Variants in THADA observed in about 807,000 individuals in gnomAD.
THADA encodes THADA armadillo repeat containing.
Under a neutral mutation model 219.8 loss-of-function variants are expected in THADA, and 213 were observed. The observed-to-expected ratio is 0.97, with a 90% CI of 0.87 to 1.09. The LOEUF (loss-of-function observed/expected upper bound fraction) is 1.09. Among genes scored for constraint, THADA ranks in the 50% least tolerant of loss-of-function variants. The probability of loss-of-function intolerance (pLI) is 0.00; values close to 1 mark genes in which losing one functional copy is unlikely to be tolerated. For missense variants in THADA, 2,956 were observed against 2,311.3 expected, an observed-to-expected ratio of 1.28 and a Z score of -5.72; for synonymous variants, 1,018 against 828.9, an observed-to-expected ratio of 1.23 and a Z score of -3.92.
intron 20 of THADA, among the ~76,000 whole-genome samples, chr2:43,545,524 G>C (rs147196397): frequency 0.33 from 50,091 of 151,890 alleles, 8,619 homozygotes; most frequent in African/African-American, 0.41. Context: ...TTGTTGGTAA[G>C]CTATTGATTA....
intron 20 of THADA, among the ~76,000 whole-genome samples, chr2:43,545,475 T>A (rs1376357149): frequency 2.6e-5 from 4 of 152,086 alleles, no homozygotes; most frequent in Non-Finnish European, 5.9e-5. Context: ...GTACCTCTGG[T>A]AGAATTCGGC....
intron 19 of THADA, among the ~76,000 whole-genome samples, chr2:43,549,631 G>A (rs1696516284): frequency 6.6e-6 from 1 of 151,890 alleles, no homozygotes; most frequent in South Asian, 2.1e-4. Flanking sequence ...AGGCCACCAT[G>A]TCATCTACAC....
chr2:43,299,136 G>C (rs902235819), intron 31 of THADA, among the ~76,000 whole-genome samples: 2 of 151,810 alleles, frequency 1.3e-5, no homozygotes, highest in African/African-American at 4.8e-5. Context: ...TCTGTGTTTA[G>C]ACTTGGGTTC....
At chr2:43,551,551 TG>T (rs1696740701) in intron 19 of THADA, among the ~76,000 whole-genome samples, 1 of 151,638 alleles carries the variant, frequency 6.6e-6, no homozygotes, top group South Asian at 2.1e-4. Flanking sequence ...CAAGTTACCC[TG>T]GGGTAGAAGG....
chr2:43,505,555 TGA>T, intron 24 of THADA, 65 bp downstream of exon 24: 2 of 1,240,134 alleles, frequency 1.6e-6, no homozygotes, highest in Non-Finnish European at 2.3e-6. Context: ...ACAGCCGTCT[TGA>T]AAAAAGTGAA....
chr2:43,322,160 A>T (rs546795527), intron 30 of THADA, among the ~76,000 whole-genome samples: 1 of 151,888 alleles, frequency 6.6e-6, no homozygotes, highest in Non-Finnish European at 1.5e-5. Context: ...CAGCCTCCCA[A>T]GTAGCTGGGA....
At position 43,231,032 on chromosome 2, in the gene THADA, CCCTT is replaced by C; in HGVS notation, c.5774_5777del (p.Glu1925GlyfsTer5). 1 of 1,613,936 alleles carries C rather than the reference CCCTT, an allele frequency of 6.2e-7. No individual in the cohort carries two copies. The highest frequency in any genetic ancestry group is 8.5e-7 in the Non-Finnish European group (1 of 1,179,874). ...AAACACTGAGAACTAGGGTGTCTTCCCCTTCCTTTCCTTCCAAAAAGGCCAGCAG... is the reference window on the plus strand; with the variant it reads ...AAACACTGAGAACTAGGGTGTCTTCCCCTTTCCTTCCAAAAAGGCCAGCAG... On this transcript the variant is annotated frameshift_variant, in exon 38 of 38. Coordinates refer to ENST00000405975, the MANE Select transcript of THADA (RefSeq NM_022065.5). LOFTEE classifies it high-confidence loss of function.
chr2:43,534,388 A>G (rs1290300392), intron 21 of THADA, among the ~76,000 whole-genome samples: 1 of 152,156 alleles, frequency 6.6e-6, no homozygotes, highest in Non-Finnish European at 1.5e-5. Flanking sequence ...ATTGCAAACT[A>G]TAGTCATCCT....
chr2:43,550,242 A>G (rs2103873026), intron 19 of THADA, among the ~76,000 whole-genome samples: 1 of 152,330 alleles, frequency 6.6e-6, no homozygotes, highest in East Asian at 1.9e-4. Flanking sequence ...GAAATCAATT[A>G]ACAAATCGAA....
intron 8 of THADA, among the ~76,000 whole-genome samples, chr2:43,580,202 T>G (rs2104084202): frequency 1.3e-5 from 2 of 151,360 alleles, no homozygotes; most frequent in Middle Eastern, 3.4e-3. Context: ...TGTTTTTTTT[T>G]GTATTTTAGT....
intron 28 of THADA, among the ~76,000 whole-genome samples, chr2:43,418,253 G>A (rs192469977): frequency 6.6e-6 from 1 of 152,260 alleles, no homozygotes; most frequent in East Asian, 1.9e-4. Context: ...CCAAAGAAAG[G>A]AACAAGCACC....
chr2:43,301,431 G>A (rs1676253583), intron 31 of THADA, among the ~76,000 whole-genome samples: 1 of 152,232 alleles, frequency 6.6e-6, no homozygotes, highest in Non-Finnish European at 1.5e-5. Context: ...TGCAGGTTCT[G>A]TTCTAGGTCT....
At chr2:43,368,253 A>G (rs1057135227) in intron 29 of THADA, among the ~76,000 whole-genome samples, 1 of 152,212 alleles carries the variant, frequency 6.6e-6, no homozygotes, top group African/African-American at 2.4e-5. Flanking sequence ...TCTATCAGTC[A>G]TCTTAAGGAG....
intron 31 of THADA, among the ~76,000 whole-genome samples, chr2:43,311,883 A>G (rs1677550063): frequency 6.6e-6 from 1 of 152,192 alleles, no homozygotes; most frequent in South Asian, 2.1e-4. Context: ...GAGCTGGGAA[A>G]GGCAGGAACA....
At position 43,536,969 on chromosome 2, in the gene THADA, C is replaced by A. The variant is rs540479562; in HGVS notation, c.3264+4190G>T. ...TTATTTTATACTATAAAGTAGTGAG[C>A]CTTAATCCCTAAGCCTTAATTTGAA... On this transcript the variant is annotated intron_variant, in intron 21 of 37. Coordinates refer to ENST00000405975, the MANE Select transcript of THADA (RefSeq NM_022065.5). 2.6e-5 allele frequency among the ~76,000 whole-genome samples: 4 copies of A among 152,208 alleles called. No homozygotes were observed. In the East Asian group the frequency reaches 7.7e-4, roughly 29 times the overall value.
intron 29 of THADA, among the ~76,000 whole-genome samples, chr2:43,364,319 C>A (rs1024449593): frequency 6.6e-6 from 1 of 152,214 alleles, no homozygotes; most frequent in African/African-American, 2.4e-5. Flanking sequence ...TTAAAATTGA[C>A]TTCTCCTAAC....
At position 43,293,012 on chromosome 2, in the gene THADA, T is replaced by C. The variant is rs1572943738; in HGVS notation, c.4640A>G (p.Gln1547Arg). ...RETNVPISFSQLLESAFPEVR... is the reference protein window; with the variant it reads ...RETNVPISFSRLLESAFPEVR... ...TTCAGGGAAGGCAGATTCTAACAGC[T>C]GAGAGAAAGAGATGGGGACATTCGT... The change falls in exon 32 of 38, where the codon CAG becomes CGG. Residue 1547 changes from glutamine to arginine, a missense_variant. Gln to Arg is a conservative substitution (Grantham distance 43). Coordinates refer to ENST00000405975, the MANE Select transcript of THADA (RefSeq NM_022065.5). 1 of 1,614,014 alleles carries C rather than the reference T, an allele frequency of 6.2e-7. No individual in the cohort carries two copies. The highest frequency in any genetic ancestry group is 2.2e-5 in the East Asian group (1 of 44,884).
chr2:43,362,284 G>A (rs1397687534), intron 29 of THADA, among the ~76,000 whole-genome samples: 1 of 152,114 alleles, frequency 6.6e-6, no homozygotes, highest in African/African-American at 2.4e-5. Flanking sequence ...ACTTCAAAGG[G>A]TATGAATTAT....
At chr2:43,559,088 G>A (rs554568975) in intron 16 of THADA, among the ~76,000 whole-genome samples, 7 of 152,266 alleles carry the variant, frequency 4.6e-5, no homozygotes, top group East Asian at 3.9e-4. Context: ...ATGGGGCATC[G>A]CTATTGACAC....
Sources: gnomAD v4.1 joint callset for allele counts (sites outside exome capture counted in the v4.1 genomes callset) on GRCh38, gnomAD v4.1.1 for gene constraint, MANE v1.5 for transcripts, NCBI Gene and HGNC (gene_info 2026-07-23, HGNC 2026-07-21) for gene names.